Variants in TOX observed in about 807,000 individuals in gnomAD.
TOX encodes thymocyte selection-associated high mobility group box protein TOX.
TOX carries 11 observed loss-of-function variants against 53.7 expected under a neutral mutation model. The observed-to-expected ratio is 0.20, with a 90% confidence interval of 0.13 to 0.34. The LOEUF is 0.34. Among genes scored for constraint, TOX ranks in the 10% least tolerant of loss-of-function variants. The pLI, the probability that TOX is intolerant of heterozygous loss-of-function variation, is 1.00. For synonymous variants in TOX, 225 were observed against 245.3 expected (o/e 0.92, Z 0.77); for missense variants, 570 against 664.6 (o/e 0.86, Z 1.56).
At chr8:58,990,968 G>A (rs764630495) in intron 1 of TOX, among the ~76,000 whole-genome samples, 28 of 152,188 alleles carry the variant, frequency 1.8e-4, no homozygotes, top group Non-Finnish European at 2.8e-4. Context: ...CGTGTATTGA[G>A]CACTTACAAA....
At chr8:58,912,718 C>G (rs1410433376) in intron 3 of TOX, among the ~76,000 whole-genome samples, 2 of 152,176 alleles carry the variant, frequency 1.3e-5, no homozygotes, top group African/African-American at 2.4e-5. Flanking sequence ...CTTTCTAGAC[C>G]CAGTGGTGCA....
At chr8:59,106,561 TTC>T (rs984200169) in intron 1 of TOX, among the ~76,000 whole-genome samples, 3 of 152,174 alleles carry the variant, frequency 2.0e-5, no homozygotes, top group African/African-American at 7.2e-5. Context: ...ACATACACCT[TTC>T]TCTTTTTGGA....
At chr8:58,963,898 A>C (rs1812844619) in intron 1 of TOX, among the ~76,000 whole-genome samples, 1 of 152,244 alleles carries the variant, frequency 6.6e-6, no homozygotes, top group Non-Finnish European at 1.5e-5. Flanking sequence ...TGCCTAAATA[A>C]GAAAAACTGA....
intron 1 of TOX, among the ~76,000 whole-genome samples, chr8:59,107,046 T>TGTG (rs35882293): frequency 3.4e-5 from 2 of 58,206 alleles, no homozygotes; most frequent in Non-Finnish European, 6.1e-5. Context: ...AGCAGTTTGC[T>TGTG]GGGGGGGGGG....
chr8:58,976,724 G>A (rs2129180203), intron 1 of TOX, among the ~76,000 whole-genome samples: 1 of 152,336 alleles, frequency 6.6e-6, no homozygotes, highest in East Asian at 1.9e-4. Context: ...CTCGATCCAT[G>A]GGTTGCAGAA....
intron 1 of TOX, among the ~76,000 whole-genome samples, chr8:59,028,082 A>G (rs2129419852): frequency 6.6e-6 from 1 of 152,342 alleles, no homozygotes; most frequent in South Asian, 2.1e-4. Context: ...ATGAATTTGT[A>G]TCTGTTACCA....
At chr8:58,963,346 G>A (rs1812836410) in intron 1 of TOX, among the ~76,000 whole-genome samples, 1 of 151,984 alleles carries the variant, frequency 6.6e-6, no homozygotes, top group African/African-American at 2.4e-5. Flanking sequence ...TAGATAGGTA[G>A]ATAGATAGAC....
At chr8:58,858,204 T>C (rs975203257) in intron 3 of TOX, among the ~76,000 whole-genome samples, 1 of 152,196 alleles carries the variant, frequency 6.6e-6, no homozygotes, top group African/African-American at 2.4e-5. Flanking sequence ...ACATTAGTCA[T>C]GTTAGTGATG....
chr8:59,052,205 T>C (rs1407624607), intron 1 of TOX, among the ~76,000 whole-genome samples: 1 of 152,218 alleles, frequency 6.6e-6, no homozygotes, highest in Admixed American at 6.5e-5. Flanking sequence ...AAAGTATCAT[T>C]ATAACATTAT....
rs1439649801 is a variant in TOX at position 58,851,317 on chromosome 8, A to G, written c.693+207T>C. Reference sequence around the variant, plus strand: ...CAACTTTTACGCTTAACACATCTATATTTAAAGGATTTCTCAGGGGCTTTA... The same window carrying G: ...CAACTTTTACGCTTAACACATCTATGTTTAAAGGATTTCTCAGGGGCTTTA... On this transcript the variant is annotated intron_variant, in intron 4 of 8. Coordinates refer to ENST00000361421, the MANE Select transcript of TOX (RefSeq NM_014729.3). The surrounding 1 kb of genome is among the most constrained non-coding windows in gnomAD (Gnocchi z 4.4). Among the ~76,000 whole-genome samples, 1 of 152,058 alleles carries G rather than the reference A, an allele frequency of 6.6e-6. No homozygotes were observed. Among genetic ancestry groups the G allele is most frequent in the Non-Finnish European group, 1.5e-5 (1 of 68,006 alleles).
intron 1 of TOX, among the ~76,000 whole-genome samples, chr8:58,990,800 G>A (rs1477979874): frequency 6.6e-6 from 1 of 152,180 alleles, no homozygotes; most frequent in Non-Finnish European, 1.5e-5. Flanking sequence ...CCTAGGTGCT[G>A]AGGGCATCCT....
Position 58,838,427 on chromosome 8 carries a change from G to T in TOX, c.694-116C>A, listed in dbSNP as rs557780621. 54 of 762,474 alleles carry T rather than the reference G, an allele frequency of 7.1e-5. No homozygotes were observed. In the South Asian group the frequency reaches 8.8e-4, roughly 12 times the overall value. 47.2% of individuals were successfully genotyped at this position (762,474 alleles called of 1,614,324 possible). ...ACCCATTCACATCACTCAAACACAG[G>T]CTTTTCTAAGGGACACATTGTTTTG... On this transcript the variant is annotated intron_variant, in intron 4 of 8. Transcript: ENST00000361421.
chr8:59,029,396 C>A (rs929996659), intron 1 of TOX, among the ~76,000 whole-genome samples: 6 of 152,084 alleles, frequency 3.9e-5, no homozygotes, highest in Non-Finnish European at 2.9e-5. Context: ...TAACAGGGAC[C>A]CTTAAGTAAC....
intron 1 of TOX, among the ~76,000 whole-genome samples, chr8:58,998,559 T>TAA (rs146949707): frequency 1.3e-4 from 1 of 7,808 alleles, no homozygotes; most frequent in Admixed American, 2.0e-3. Context: ...ATAATAAATT[T>TAA]ATGTAATAAA....
chr8:58,852,690 A>T (rs905205636), intron 3 of TOX, among the ~76,000 whole-genome samples: 2 of 152,194 alleles, frequency 1.3e-5, no homozygotes, highest in Non-Finnish European at 2.9e-5. Flanking sequence ...AGAATATTTC[A>T]TGGTGCTTAT....
At chr8:58,964,051 A>G (rs1812848113) in intron 1 of TOX, among the ~76,000 whole-genome samples, 1 of 152,124 alleles carries the variant, frequency 6.6e-6, no homozygotes, top group Non-Finnish European at 1.5e-5. Flanking sequence ...AGACTGATAT[A>G]AGCACAGATG....
chr8:58,866,497 T>TA (rs1356624902), intron 3 of TOX, among the ~76,000 whole-genome samples: 2 of 152,248 alleles, frequency 1.3e-5, no homozygotes, highest in East Asian at 3.8e-4. Flanking sequence ...TGTAAGTACT[T>TA]ACCTTTGGAC....
chr8:58,963,361 A>C (rs1041436541), intron 1 of TOX, among the ~76,000 whole-genome samples: 1 of 152,184 alleles, frequency 6.6e-6, no homozygotes, highest in Non-Finnish European at 1.5e-5. Flanking sequence ...ATAGACAGAC[A>C]GATACATAGA....
In TOX at chr8:58,851,608, G is replaced by T. The variant is rs1454096437; in HGVS notation, c.609C>A (p.Asn203Lys). 4.3e-6 allele frequency: 7 copies of T among 1,613,534 alleles called. No individual in the cohort carries two copies. In the Admixed American group the frequency reaches 1.0e-4, roughly 23 times the overall value. The change falls in exon 4 of 9, where the codon AAC becomes AAA. Residue 203 changes from asparagine (N) to lysine (K), a missense_variant. By Grantham distance (94) the Asn-to-Lys change is moderately conservative. This residue lies in a region of TOX where 282 missense variants were observed against 315.0 expected (regional missense o/e 0.90). Coordinates refer to ENST00000361421, the MANE Select transcript of TOX (RefSeq NM_014729.3). The surrounding 1 kb of genome is among the most constrained non-coding windows in gnomAD (Gnocchi z 4.4). Reference protein sequence around the residue: ...LNMGGSNVPHNSPSPPGSKSA... With the variant: ...LNMGGSNVPHKSPSPPGSKSA... Reference sequence around the variant, plus strand: ...ACTTGCTTCCAGGTGGAGATGGTGAGTTGTGGGGAACATTGCTTCCTCCCA... The same window carrying T: ...ACTTGCTTCCAGGTGGAGATGGTGATTTGTGGGGAACATTGCTTCCTCCCA...
Sources: allele counts gnomAD v4.1 joint callset (sites outside exome capture counted in the v4.1 genomes callset), GRCh38; gene constraint gnomAD v4.1.1; regional missense constraint gnomAD v4.1.1; non-coding constraint Gnocchi (gnomAD v3.1); transcripts MANE v1.5; gene names NCBI Gene and HGNC (gene_info 2026-07-23, HGNC 2026-07-21).